The following GALNT13 variants were observed in gnomAD, a reference collection of about 807,000 sequenced individuals.
GALNT13 encodes the protein polypeptide N-acetylgalactosaminyltransferase 13, also known as UDP-GalNAc:polypeptide N-acetylgalactosaminyltransferase 13.
GALNT13 carries 28 observed loss-of-function variants against 64.2 expected under a neutral mutation model. The ratio of observed to expected loss-of-function variants is 0.44; its 90% confidence interval spans 0.32 to 0.60. The LOEUF is 0.60. GALNT13 is among the 20% of genes least tolerant of loss of function. The probability of loss-of-function intolerance (pLI) is 0.05; values close to 1 mark genes in which losing one functional copy is unlikely to be tolerated. For missense variants in GALNT13, 577 were observed against 669.8 expected (o/e 0.86, Z 1.53); for synonymous variants, 214 against 224.6 (o/e 0.95, Z 0.42).
chr2:154,414,980 A>G (rs2105407312), intron 11 of GALNT13, among the ~76,000 whole-genome samples: 1 of 152,004 alleles, frequency 6.6e-6, no homozygotes, highest in Middle Eastern at 3.4e-3. Context: ...ATATCTACTC[A>G]AACTGATATT....
the GALNT13 span, among the ~76,000 whole-genome samples, chr2:153,859,684 C>G: frequency 6.6e-6 from 1 of 152,242 alleles, no homozygotes; most frequent in Admixed American, 6.5e-5. Flanking sequence ...CTGAACCACA[C>G]AGATGGTGGC....
the GALNT13 span, among the ~76,000 whole-genome samples, chr2:153,257,885 T>C: frequency 6.6e-6 from 1 of 152,194 alleles, no homozygotes; most frequent in Admixed American, 6.5e-5. Flanking sequence ...CTTTAATGAA[T>C]CAAACTTGAC....
intron 12 of GALNT13, among the ~76,000 whole-genome samples, chr2:154,448,410 G>C (rs767897581): frequency 5.9e-5 from 9 of 151,964 alleles, no homozygotes; most frequent in Non-Finnish European, 1.2e-4. Flanking sequence ...GCATGTTTAA[G>C]TCTAAGTATT....
intron 9 of GALNT13, among the ~76,000 whole-genome samples, chr2:154,321,361 G>A (rs10193792): frequency 0.27 from 40,941 of 151,884 alleles, 5,805 homozygotes; most frequent in Middle Eastern, 0.37. Context: ...CTATATTCCC[G>A]TAGCTGCTTT....
chr2:154,107,400 G>T (rs1221264256), intron 3 of GALNT13, among the ~76,000 whole-genome samples: 1 of 151,860 alleles, frequency 6.6e-6, no homozygotes, highest in Non-Finnish European at 1.5e-5. Context: ...GACCATCCTG[G>T]CCAACATGGT....
intron 4 of GALNT13, among the ~76,000 whole-genome samples, chr2:154,184,905 G>A (rs1275866710): frequency 6.6e-6 from 1 of 152,010 alleles, no homozygotes; most frequent in Non-Finnish European, 1.5e-5. Context: ...CACCATTAGA[G>A]TATTAGAATT....
At chr2:154,158,663 T>C (rs1684563715) in intron 4 of GALNT13, among the ~76,000 whole-genome samples, 1 of 152,214 alleles carries the variant, frequency 6.6e-6, no homozygotes, top group South Asian at 2.1e-4. Flanking sequence ...AATTCTACTT[T>C]AGGACCTTTT....
the GALNT13 span, among the ~76,000 whole-genome samples, chr2:153,459,962 G>T: frequency 6.6e-6 from 1 of 152,050 alleles, no homozygotes; most frequent in Non-Finnish European, 1.5e-5. Context: ...TGTATGAAAG[G>T]TATCAGCAAA....
chr2:153,549,387 G>C, the GALNT13 span, among the ~76,000 whole-genome samples: 1 of 152,148 alleles, frequency 6.6e-6, no homozygotes, highest in Admixed American at 6.5e-5. Context: ...GTCAACGGTA[G>C]ACTGAAATAG....
chr2:154,184,458 G>T lies in GALNT13; in HGVS notation c.311+43953G>T, dbSNP rs1686140717. On this transcript the variant is annotated intron_variant, in intron 4 of 12. Transcript: ENST00000392825. ...TGCTTTTCTGTTTTTTAATTCCTTTGTTATTTTTTTCCTATCTTGCTGTCT... is the reference window on the plus strand; with the variant it reads ...TGCTTTTCTGTTTTTTAATTCCTTTTTTATTTTTTTCCTATCTTGCTGTCT... Among the ~76,000 whole-genome samples the T allele has an allele frequency of 2.6e-5, 4 of 151,758 alleles. No individual in the cohort carries two copies. In the South Asian group the frequency reaches 8.3e-4, roughly 31 times the overall value.
chr2:153,775,010 T>C, the GALNT13 span, among the ~76,000 whole-genome samples: 1 of 152,226 alleles, frequency 6.6e-6, no homozygotes, highest in Non-Finnish European at 1.5e-5. Flanking sequence ...ATCCCAATCA[T>C]GTGTCATTAT....
At chr2:154,397,617 C>G (rs964500085) in intron 10 of GALNT13, among the ~76,000 whole-genome samples, 1 of 152,036 alleles carries the variant, frequency 6.6e-6, no homozygotes, top group African/African-American at 2.4e-5. Flanking sequence ...ATAAACATAT[C>G]TTACTTACAA....
chr2:154,104,214 G>A (rs1269129529), intron 3 of GALNT13, among the ~76,000 whole-genome samples: 1 of 150,684 alleles, frequency 6.6e-6, no homozygotes, highest in Non-Finnish European at 1.5e-5. Flanking sequence ...TGGGGGGATG[G>A]TGGGGAGGGG....
chr2:153,951,059 C>T (rs1376652283), intron 3 of GALNT13, among the ~76,000 whole-genome samples: 1 of 151,518 alleles, frequency 6.6e-6, no homozygotes, highest in East Asian at 1.9e-4. Context: ...TTTACAAAAG[C>T]CAAAAAAGAC....
the GALNT13 span, among the ~76,000 whole-genome samples, chr2:153,338,252 T>A: frequency 6.6e-5 from 10 of 152,136 alleles, no homozygotes; most frequent in South Asian, 1.7e-3. Flanking sequence ...ATGATCCTGT[T>A]ACTGCACTCC....
chr2:153,882,654 AGGGT>A, intron 1 of GALNT13, among the ~76,000 whole-genome samples: 1 of 149,172 alleles, frequency 6.7e-6, no homozygotes, highest in Middle Eastern at 3.5e-3. Context: ...TTCTTGAGCC[AGGGT>A]CTCTTGCCCA....
the GALNT13 span, among the ~76,000 whole-genome samples, chr2:153,169,648 T>C: frequency 6.6e-6 from 1 of 152,132 alleles, no homozygotes; most frequent in Admixed American, 6.6e-5. Flanking sequence ...AGCCTGACTG[T>C]CCCTGGTAAG....
the GALNT13 span, among the ~76,000 whole-genome samples, chr2:153,493,340 G>T: frequency 6.6e-6 from 1 of 151,784 alleles, no homozygotes; most frequent in African/African-American, 2.4e-5. Flanking sequence ...GAAATGAAAG[G>T]TCTTACAAAT....
chr2:153,221,767 C>T, the GALNT13 span, among the ~76,000 whole-genome samples: 1 of 152,140 alleles, frequency 6.6e-6, no homozygotes, highest in East Asian at 1.9e-4. Flanking sequence ...TGTGACAGGG[C>T]GGGCAGCTCC....
Sources: gnomAD v4.1 joint callset for allele counts (sites outside exome capture counted in the v4.1 genomes callset) on GRCh38, gnomAD v4.1.1 for gene constraint, MANE v1.5 for transcripts, NCBI Gene and HGNC (gene_info 2026-07-23, HGNC 2026-07-21) for gene names.